The following CDC42BPA variants were observed in gnomAD, a reference collection of about 807,000 sequenced individuals.
The protein encoded by CDC42BPA is serine/threonine-protein kinase MRCK alpha.
Under a neutral mutation model 223.5 loss-of-function variants are expected in CDC42BPA, and 80 were observed. That is an observed-to-expected ratio of 0.36 (90% CI 0.30 to 0.43). CDC42BPA has a LOEUF of 0.43. Ranked by LOEUF, CDC42BPA falls within the 20% of genes least tolerant of loss-of-function variation. The pLI is 1.00. For missense variants in CDC42BPA, 1,743 were observed against 2,099.9 expected, an observed-to-expected ratio of 0.83 and a Z score of 3.32; for synonymous variants, 694 against 718.6, an observed-to-expected ratio of 0.97 and a Z score of 0.55.
intron 19 of CDC42BPA, 65 bp from the exon 20 acceptor site, chr1:227,072,364 G>C: frequency 1.1e-6 from 1 of 899,514 alleles, no homozygotes. Context: ...AGCCATCTTG[G>C]ATGTAGCCAA....
chr1:227,032,251 C>CAAT (rs1237231018), intron 27 of CDC42BPA, among the ~76,000 whole-genome samples: 2 of 152,126 alleles, frequency 1.3e-5, no homozygotes, highest in Admixed American at 1.3e-4. Context: ...GTAGCAGTGA[C>CAAT]AATAAACTCA....
chr1:227,209,576 A>G, intron 3 of CDC42BPA, among the ~76,000 whole-genome samples: 1 of 143,844 alleles, frequency 7.0e-6, no homozygotes, highest in Non-Finnish European at 1.5e-5. Context: ...AGGGTTGTTG[A>G]ATTTTGTCAA....
chr1:227,265,113 C>G (rs1684761762), intron 1 of CDC42BPA: 3 of 769,694 alleles, frequency 3.9e-6, no homozygotes, highest in Non-Finnish European at 7.3e-6. Flanking sequence ...CAAATTTTAA[C>G]AGAAACTTTA....
intron 17 of CDC42BPA, among the ~76,000 whole-genome samples, chr1:227,075,719 T>C (rs1679330343): frequency 6.6e-6 from 1 of 152,214 alleles, no homozygotes; most frequent in Non-Finnish European, 1.5e-5. Context: ...TGAAGGAAGA[T>C]TATCTTTTTT....
At chr1:227,175,581 C>A (rs1666813162) in intron 5 of CDC42BPA, among the ~76,000 whole-genome samples, 1 of 152,132 alleles carries the variant, frequency 6.6e-6, no homozygotes, top group Admixed American at 6.5e-5. Context: ...GGTACAGGTA[C>A]ATTATGCACT....
intron 10 of CDC42BPA, among the ~76,000 whole-genome samples, chr1:227,136,560 T>G (rs1183969041): frequency 6.6e-6 from 1 of 152,226 alleles, no homozygotes; most frequent in East Asian, 1.9e-4. Context: ...CAGGATTTTC[T>G]GTTCACATAA....
chr1:227,244,625 G>A (rs1680595052), intron 2 of CDC42BPA, among the ~76,000 whole-genome samples: 2 of 152,164 alleles, frequency 1.3e-5, no homozygotes, highest in Non-Finnish European at 2.9e-5. Context: ...TAGCAGAATA[G>A]AAGCCTACAC....
At position 227,209,559 on chromosome 1, in the gene CDC42BPA, A is replaced by G. The variant is rs1673492238; in HGVS notation, c.354+3577T>C. Among the ~76,000 whole-genome samples the G allele has an allele frequency of 3.5e-5, 5 of 142,582 alleles. 1 individual carries two copies. In the South Asian group the frequency reaches 1.1e-3, roughly 33 times the overall value. The allele number at this position is 142,582 out of a possible 152,430, so 93.5% of individuals were successfully genotyped here. A position where few individuals can be genotyped will look rare whatever the true frequency, so the allele number is the denominator to read the frequency against. Reference sequence around the variant, plus strand: ...AATACCTAATTTATTGAGAGTTTTTAGCATGAAGGGTTGTTGAATTTTGTC... The same window carrying G: ...AATACCTAATTTATTGAGAGTTTTTGGCATGAAGGGTTGTTGAATTTTGTC... On this transcript the variant is annotated intron_variant, in intron 3 of 36. Transcript: ENST00000366766.
intron 4 of CDC42BPA, among the ~76,000 whole-genome samples, chr1:227,194,146 G>A (rs1513608): frequency 0.68 from 103,837 of 151,910 alleles, 35,692 homozygotes; most frequent in South Asian, 0.74. Flanking sequence ...TTAAAGACTG[G>A]GGCAGAGAAC....
In CDC42BPA at chr1:227,139,716, C is replaced by T; in HGVS notation, c.1250G>A (p.Arg417Lys). ...CAGTGAGGTGGGACCAGCCGTAACT[C>T]TTAAACAGCTCCGATCAGAAAGTAC... ...SCVLSDRSCLRVTAGPTSLDL... is the reference protein window; with the variant it reads ...SCVLSDRSCLKVTAGPTSLDL... Residue 417 changes from arginine (R) to lysine (K), a missense_variant, in exon 10 of 37, where the codon AGA (arginine) becomes AAA (lysine). Coordinates refer to ENST00000366766, the MANE Select transcript of CDC42BPA (RefSeq NM_001394014.1). 6.3e-7 allele frequency: 1 copy of T among 1,577,480 alleles called. No homozygotes were observed. Among genetic ancestry groups the T allele is most frequent in the Non-Finnish European group, 8.6e-7 (1 of 1,165,984 alleles).
At chr1:227,269,477 C>T (rs564126750) in intron 1 of CDC42BPA, among the ~76,000 whole-genome samples, 1 of 152,212 alleles carries the variant, frequency 6.6e-6, no homozygotes, top group East Asian at 1.9e-4. Flanking sequence ...TTTAGCAACA[C>T]AGAGCCTTAT....
At chr1:227,036,710 T>A (rs1007662309) in intron 24 of CDC42BPA, among the ~76,000 whole-genome samples, 1 of 109,432 alleles carries the variant, frequency 9.1e-6, no homozygotes, top group African/African-American at 4.3e-5. Flanking sequence ...ATTACAGGCG[T>A]TGAGCCACCG....
chr1:227,030,260 TAA>T, intron 29 of CDC42BPA, 146 bp downstream of exon 29: 1 of 591,304 alleles, frequency 1.7e-6, no homozygotes. Context: ...AATAATCTTT[TAA>T]TTTATAAACG....
chr1:227,244,367 A>G (rs893380094), intron 2 of CDC42BPA, among the ~76,000 whole-genome samples: 16 of 152,230 alleles, frequency 1.1e-4, no homozygotes, highest in Non-Finnish European at 1.5e-5. Flanking sequence ...TGTACTGTTG[A>G]GCACAAGAAG....
In CDC42BPA at chr1:227,028,866, T is replaced by C. The variant is rs1470389163; in HGVS notation, c.4223A>G (p.Asn1408Ser). The C allele has an allele frequency of 3.1e-6, 5 of 1,613,676 alleles. No individual in the cohort carries two copies. Among genetic ancestry groups the C allele is most frequent in the Non-Finnish European group, 3.4e-6 (4 of 1,179,768 alleles). ...FQSGFLRYPL[N>S]GEGNPYSMLH... ...CATACTGTATGGATTTCCTTCTCCA[T>C]TCAAGGGGTATCTTAGAAATCCTGA... The change falls in exon 30 of 37, where the codon AAT (asparagine) becomes AGT (serine). Residue 1408 changes from asparagine to serine, a missense_variant. Physicochemically the swap from Asn to Ser is conservative, Grantham distance 46. Around this residue, in one of 6 missense-constraint regions of CDC42BPA, gnomAD observed 678 missense variants for 777.5 expected, o/e 0.87. Coordinates refer to ENST00000366766, the MANE Select transcript of CDC42BPA (RefSeq NM_001394014.1).
chr1:227,161,169 TTTCA>T (rs2149807528), intron 5 of CDC42BPA, among the ~76,000 whole-genome samples: 1 of 152,350 alleles, frequency 6.6e-6, no homozygotes, highest in Non-Finnish European at 1.5e-5. Context: ...TATTTAAAGC[TTTCA>T]TTGTCTTTGG....
chr1:227,135,433 C>G (rs1658284739), intron 10 of CDC42BPA, among the ~76,000 whole-genome samples: 1 of 152,038 alleles, frequency 6.6e-6, no homozygotes, highest in African/African-American at 2.4e-5. Flanking sequence ...TGGTATAGGG[C>G]AGAAGGCTGA....
At chr1:227,187,950 C>A (rs1359174487) in intron 5 of CDC42BPA, among the ~76,000 whole-genome samples, 1 of 151,668 alleles carries the variant, frequency 6.6e-6, no homozygotes, top group Non-Finnish European at 1.5e-5. Context: ...GAAATACATT[C>A]TCAGACAAAC....
Position 227,098,971 on chromosome 1 carries a change from A to G in CDC42BPA, c.2249+2021T>C, listed in dbSNP as rs2149294626. On this transcript the variant is annotated intron_variant, in intron 15 of 36. Transcript: ENST00000366766. ...AGTCCATAACTGCGTAAATTTTTCA[A>G]CTTTATTATAATCTTATGGGAACAC... 1.3e-5 allele frequency among the ~76,000 whole-genome samples: 2 copies of G among 152,020 alleles called. 1 individual carries two copies. Among genetic ancestry groups the G allele is most frequent in the South Asian group, 4.2e-4 (2 of 4,804 alleles).
Sources: gnomAD v4.1 joint callset for allele counts (sites outside exome capture counted in the v4.1 genomes callset) on GRCh38, gnomAD v4.1.1 for gene constraint, gnomAD v4.1.1 regional missense constraint, MANE v1.5 for transcripts, NCBI Gene and HGNC (gene_info 2026-07-23, HGNC 2026-07-21) for gene names.